TAF4: variants seen among roughly 807,000 people sequenced by gnomAD.
TAF4 encodes transcription initiation factor TFIID subunit 4.
TAF4 carries 9 observed loss-of-function variants against 90.3 expected under a neutral mutation model. The observed-to-expected ratio is 0.10, with a 90% CI of 0.06 to 0.17. The LOEUF (loss-of-function observed/expected upper bound fraction) is 0.17. TAF4 is among the 10% of genes least tolerant of loss of function. The pLI is 1.00. For synonymous variants in TAF4, 818 were observed against 638.9 expected (o/e 1.28, Z -4.23); for missense variants, 1,351 against 1,370.7 (o/e 0.99, Z 0.23).
intron 1 of TAF4, among the ~76,000 whole-genome samples, chr20:62,017,604 G>A (rs2055819679): frequency 6.6e-6 from 1 of 152,200 alleles, no homozygotes; most frequent in Non-Finnish European, 1.5e-5. Flanking sequence ...CTGAGATCGT[G>A]CCGCTGCACT....
Position 62,064,818 on chromosome 20 carries a change from G to A in TAF4, c.993C>T (p.Pro331=), listed in dbSNP as rs935804433. The change falls in exon 1 of 15, where the codon CCC becomes CCT. Residue 331 remains proline, a synonymous_variant. Transcript: ENST00000252996. The part of the protein sequence containing the change: ...GPAGVSGQPG[P]GAAAAAPAPG... ...GCGCCGGCGCCGCAGCCGCCGCGCCGGGCCCGGGTTGGCCGCTGACCCCCG... is the reference window on the plus strand; with the variant it reads ...GCGCCGGCGCCGCAGCCGCCGCGCCAGGCCCGGGTTGGCCGCTGACCCCCG... The A allele has an allele frequency of 3.5e-5, 34 of 979,422 alleles. 1 individual carries two copies. The African/African-American group carries it at 5.6e-4, about 16-fold the overall frequency. The allele number at this position is 979,422 out of a possible 1,614,324, so 60.7% of individuals were successfully genotyped here.
chr20:61,985,564 C>A (rs537456997), intron 14 of TAF4, among the ~76,000 whole-genome samples: 1 of 152,002 alleles, frequency 6.6e-6, no homozygotes, highest in South Asian at 2.1e-4. Flanking sequence ...AGGTAGTTAG[C>A]ACGTTTGTTT....
intron 5 of TAF4, chr20:62,008,066 C>T: frequency 1.3e-5 from 2 of 156,708 alleles, no homozygotes; most frequent in South Asian, 1.9e-4. Flanking sequence ...AGACAGGATC[C>T]ACACAGTCAG....
At chr20:62,013,871 A>C (rs2055793919) in intron 2 of TAF4, among the ~76,000 whole-genome samples, 2 of 148,064 alleles carry the variant, frequency 1.4e-5, no homozygotes, top group African/African-American at 2.5e-5. Flanking sequence ...ACCACAGCTC[A>C]GGGGTCGGGA....
At chr20:61,981,669 T>A (rs1344617350) in intron 14 of TAF4, among the ~76,000 whole-genome samples, 1 of 151,660 alleles carries the variant, frequency 6.6e-6, no homozygotes, top group Non-Finnish European at 1.5e-5. Flanking sequence ...ACAGGGCAAA[T>A]GAGAGCTGGG....
chr20:62,040,313 C>T (rs182485685), intron 1 of TAF4, among the ~76,000 whole-genome samples: 104 of 152,378 alleles, frequency 6.8e-4, no homozygotes, highest in Admixed American at 1.1e-3. Flanking sequence ...CTGGCACGCA[C>T]ACGACACACC....
intron 1 of TAF4, among the ~76,000 whole-genome samples, chr20:62,030,054 G>A (rs939171934): frequency 1.3e-5 from 2 of 152,210 alleles, no homozygotes; most frequent in African/African-American, 4.8e-5. Flanking sequence ...GCCAGGTGGA[G>A]GAAAGACGCA....
At position 61,998,178 on chromosome 20, in the gene TAF4, T is replaced by C; in HGVS notation, c.2928A>G (p.Gln976=). The C allele has an allele frequency of 1.9e-6, 3 of 1,613,874 alleles. No individual in the cohort carries two copies. The highest frequency in any genetic ancestry group is 2.5e-6 in the Non-Finnish European group (3 of 1,179,936). The change falls in exon 13 of 15, where the codon CAA becomes CAG. Residue 976 remains glutamine (Q), a synonymous_variant. Transcript: ENST00000252996. ...LMRAAKSRSR[Q]EDPEQLRLKQ... is the part of the protein sequence containing the mutation. ...TCAGCCTTAACTGTTCTGGATCTTCTTGTCTTGACCGAGACTATTTTTGAA... is the reference window on the plus strand; with the variant it reads ...TCAGCCTTAACTGTTCTGGATCTTCCTGTCTTGACCGAGACTATTTTTGAA...
chr20:62,011,091 T>G (rs994321277), intron 3 of TAF4, among the ~76,000 whole-genome samples: 3 of 152,210 alleles, frequency 2.0e-5, no homozygotes, highest in Non-Finnish European at 4.4e-5. Flanking sequence ...GAAGCAACTC[T>G]GAACCAGCCC....
chr20:62,027,466 G>A (rs2055881386), intron 1 of TAF4, among the ~76,000 whole-genome samples: 3 of 152,162 alleles, frequency 2.0e-5, no homozygotes, highest in Non-Finnish European at 4.4e-5. Flanking sequence ...CCTGGGCTCA[G>A]GGATTAAATC....
chr20:62,049,113 T>C (rs112526895), intron 1 of TAF4, among the ~76,000 whole-genome samples: 6,301 of 148,488 alleles, frequency 0.042, 463 homozygotes, highest in African/African-American at 0.15. Context: ...GCATCTGCAC[T>C]GTGCCTCCAC....
chr20:62,056,318 A>G (rs1347585125), intron 1 of TAF4, among the ~76,000 whole-genome samples: 1 of 152,226 alleles, frequency 6.6e-6, no homozygotes, highest in Non-Finnish European at 1.5e-5. Context: ...CACATGAACG[A>G]GGTCTAATTT....
At position 62,019,849 on chromosome 20, in the gene TAF4, C is replaced by A. The variant is rs544308088; in HGVS notation, c.1361-5142G>T. On this transcript the variant is annotated intron_variant, in intron 1 of 14. Transcript: ENST00000252996. ...AAGCCAAAATGTAGAGCATGCGAAG[C>A]TGTGCCACAACCACACGGGCACCTG... Among the ~76,000 whole-genome samples, 16 of 152,368 alleles carry A rather than the reference C, an allele frequency of 1.1e-4. 1 individual carries two copies. The highest frequency in any genetic ancestry group is 3.8e-4 in the African/African-American group (16 of 41,588).
At chr20:62,053,585 C>T (rs948427754) in intron 1 of TAF4, among the ~76,000 whole-genome samples, 1 of 152,232 alleles carries the variant, frequency 6.6e-6, no homozygotes, top group Non-Finnish European at 1.5e-5. Context: ...CCACGCCGAC[C>T]TGCAGCACTC....
chr20:62,065,168 C>T lies in TAF4; in HGVS notation c.643G>A (p.Val215Ile). 8.2e-7 allele frequency: 1 copy of T among 1,215,472 alleles called. No homozygotes were observed. Among genetic ancestry groups the T allele is most frequent in the South Asian group, 1.4e-5 (1 of 73,060 alleles). 75.3% of individuals were successfully genotyped at this position (1,215,472 alleles called of 1,614,324 possible). Residue 215 changes from valine (V) to isoleucine (I), a missense_variant, in exon 1 of 15, where the codon GTC becomes ATC. Transcript: ENST00000252996. Reference sequence around the variant, plus strand: ...GCGGGCCCGTTGTTGACCAGGCTGACAGCAGGTGCGGCGGCGTGGTGCGAG... The same window carrying T: ...GCGGGCCCGTTGTTGACCAGGCTGATAGCAGGTGCGGCGGCGTGGTGCGAG... ...LNSHHAAAPA[V>I]SLVNNGPAAL... is the part of the protein sequence containing the mutation.
At chr20:61,982,658 AGACACCAAACCCACACCCCACC>A (rs2055557253) in intron 14 of TAF4, among the ~76,000 whole-genome samples, 1 of 121,698 alleles carries the variant, frequency 8.2e-6, no homozygotes, top group Non-Finnish European at 1.7e-5. Flanking sequence ...ACCCGAGAGG[AGACACCAAACCCACACCCCACC>A]TGAGAGGAGA....
chr20:61,999,993 C>T lies in TAF4; in HGVS notation c.2787+131G>A, dbSNP rs2055688710. Reference sequence around the variant, plus strand: ...ATCTAGTCCTATAAGAAATCCAAAACACGTTCGTAAGGAACATGGAGGCAC... The same window carrying T: ...ATCTAGTCCTATAAGAAATCCAAAATACGTTCGTAAGGAACATGGAGGCAC... On this transcript the variant is annotated intron_variant, in intron 11 of 14. Transcript: ENST00000252996. The T allele has an allele frequency of 3.6e-6, 4 of 1,123,088 alleles. No homozygotes were observed. The East Asian group carries it at 9.7e-5, about 27-fold the overall frequency. The allele number at this position is 1,123,088 out of a possible 1,614,324, so 69.6% of individuals were successfully genotyped here. A position where few individuals can be genotyped will look rare whatever the true frequency, so the allele number is the denominator to read the frequency against.
chr20:62,039,514 T>TAA (rs1568939535), intron 1 of TAF4, among the ~76,000 whole-genome samples: 2 of 152,266 alleles, frequency 1.3e-5, no homozygotes, highest in East Asian at 3.9e-4. Context: ...AGGCAAAAAT[T>TAA]TATTTAAGAA....
At chr20:62,015,609 C>T (rs2055808046) in intron 1 of TAF4, among the ~76,000 whole-genome samples, 1 of 152,212 alleles carries the variant, frequency 6.6e-6, no homozygotes, top group Non-Finnish European at 1.5e-5. Flanking sequence ...CCGTCCCCAC[C>T]ACCCATCACA....
Sources: gnomAD v4.1 joint callset for allele counts (sites outside exome capture counted in the v4.1 genomes callset) on GRCh38, gnomAD v4.1.1 for gene constraint, MANE v1.5 for transcripts, NCBI Gene and HGNC (gene_info 2026-07-23, HGNC 2026-07-21) for gene names.